Variants in RBFOX3 observed in about 807,000 individuals in gnomAD.
RBFOX3 encodes RNA binding protein fox-1 homolog 3.
Under a neutral mutation model 48.7 loss-of-function variants are expected in RBFOX3, and 17 were observed. The observed-to-expected ratio is 0.35, with a 90% confidence interval of 0.24 to 0.52. RBFOX3 has a LOEUF of 0.52. Ranked by LOEUF, RBFOX3 falls within the 20% of genes least tolerant of loss-of-function variation. RBFOX3 has a pLI of 0.94. For synonymous variants in RBFOX3, 212 were observed against 209.5 expected (o/e 1.01, Z -0.10); for missense variants, 382 against 497.5 (o/e 0.77, Z 2.21).
intron 1 of RBFOX3, among the ~76,000 whole-genome samples, chr17:79,497,376 A>C (rs1028902221): frequency 6.6e-6 from 1 of 152,214 alleles, no homozygotes; most frequent in Non-Finnish European, 1.5e-5. Flanking sequence ...TCAGACCCCT[A>C]AGGCTTCCAA....
rs534424432 is a variant in RBFOX3 at position 79,391,250 on chromosome 17, T to C, written c.-174-83426A>G. 3.5e-4 allele frequency among the ~76,000 whole-genome samples: 54 copies of C among 152,126 alleles called. No homozygotes were observed. The highest frequency in any genetic ancestry group is 1.2e-3 in the African/African-American group (51 of 41,498). On this transcript the variant is annotated intron_variant, in intron 2 of 14. Coordinates refer to ENST00000693108, the MANE Select transcript of RBFOX3 (RefSeq NM_001350451.2). The surrounding 1 kb of genome is among the most constrained non-coding windows in gnomAD (Gnocchi z 5.0). ...CTTGCAGGATGAAATCCAAATTCCT[T>C]AGCGCAACCCCCAAGCTGGGGTCTC... is the stretch of plus-strand genomic sequence containing the variant.
At chr17:79,307,249 C>G (rs553958623) in intron 3 of RBFOX3, among the ~76,000 whole-genome samples, 2 of 152,240 alleles carry the variant, frequency 1.3e-5, no homozygotes, top group East Asian at 1.9e-4. Context: ...GTGCCCGGGA[C>G]GAGCTCCACC....
intron 4 of RBFOX3, among the ~76,000 whole-genome samples, chr17:79,172,260 G>T (rs571188730): frequency 6.6e-6 from 1 of 151,304 alleles, no homozygotes; most frequent in East Asian, 1.9e-4. Context: ...ATGAACAGCA[G>T]ATATCACTAT....
In RBFOX3 at chr17:79,364,903, G is replaced by A. The variant is rs2057502409; in HGVS notation, c.-174-57079C>T. Among the ~76,000 whole-genome samples, 1 of 152,148 alleles carries A rather than the reference G, an allele frequency of 6.6e-6. No homozygotes were observed. The highest frequency in any genetic ancestry group is 2.4e-5 in the African/African-American group (1 of 41,418). On this transcript the variant is annotated intron_variant, in intron 2 of 14. Coordinates refer to ENST00000693108, the MANE Select transcript of RBFOX3 (RefSeq NM_001350451.2). The surrounding 1 kb of genome is among the most constrained non-coding windows in gnomAD (Gnocchi z 5.1). ...CTCAGTCAATGTGAGGCTGACTCCT[G>A]GTGCCCAGGGAGTGGCTGGGCAGGA...
intron 3 of RBFOX3, 25 bp downstream of exon 3, chr17:79,307,699 A>C (rs1022650462): frequency 6.5e-6 from 1 of 153,688 alleles, no homozygotes; most frequent in Non-Finnish European, 1.5e-5. Flanking sequence ...AGCAGAAAGC[A>C]TTGCGTAGAG....
At chr17:79,384,325 G>A (rs934970038) in intron 2 of RBFOX3, among the ~76,000 whole-genome samples, 1 of 152,172 alleles carries the variant, frequency 6.6e-6, no homozygotes, top group Non-Finnish European at 1.5e-5. Flanking sequence ...GAGGCTGTGG[G>A]GGAGAAGTCC....
At chr17:79,427,566 C>T (rs1555726243) in intron 2 of RBFOX3, among the ~76,000 whole-genome samples, 1 of 152,234 alleles carries the variant, frequency 6.6e-6, no homozygotes, top group Admixed American at 6.5e-5. Flanking sequence ...TTGAAGGCAC[C>T]AAGAAAGTAT....
chr17:79,604,966 G>A (rs1232264241), intron 1 of RBFOX3, among the ~76,000 whole-genome samples: 5 of 152,208 alleles, frequency 3.3e-5, no homozygotes, highest in African/African-American at 9.6e-5. Context: ...GGCAGGAGAA[G>A]CACCTGGACT....
chr17:79,376,231 C>T (rs2059206346), intron 2 of RBFOX3, among the ~76,000 whole-genome samples: 3 of 152,166 alleles, frequency 2.0e-5, no homozygotes, highest in African/African-American at 7.2e-5. Flanking sequence ...CCCAGGGACT[C>T]CCAGCCTGGA....
At chr17:79,219,070 T>C (rs772452997) in intron 4 of RBFOX3, among the ~76,000 whole-genome samples, 10 of 152,244 alleles carry the variant, frequency 6.6e-5, no homozygotes, top group Non-Finnish European at 1.3e-4. Flanking sequence ...CACAGGCACC[T>C]GTGCGGGGTC....
intron 2 of RBFOX3, among the ~76,000 whole-genome samples, chr17:79,444,889 C>T (rs1457180615): frequency 8.6e-5 from 13 of 152,022 alleles, no homozygotes; most frequent in African/African-American, 1.9e-4. Context: ...AATTCTAGAA[C>T]GTTTTCATTG....
chr17:79,175,178 T>C (rs2050267255), intron 4 of RBFOX3, among the ~76,000 whole-genome samples: 1 of 152,254 alleles, frequency 6.6e-6, no homozygotes, highest in Admixed American at 6.5e-5. Flanking sequence ...TGGGAGTACC[T>C]GGCGATGGCC....
intron 4 of RBFOX3, among the ~76,000 whole-genome samples, chr17:79,219,653 G>A (rs1404518889): frequency 2.0e-5 from 3 of 152,056 alleles, no homozygotes; most frequent in Non-Finnish European, 2.9e-5. Context: ...GAGTGGGGGC[G>A]CCTACTCTCC....
At chr17:79,587,987 C>A (rs2093306621) in intron 1 of RBFOX3, among the ~76,000 whole-genome samples, 1 of 152,176 alleles carries the variant, frequency 6.6e-6, no homozygotes, top group African/African-American at 2.4e-5. Context: ...AGAGGCATGC[C>A]ACCATGCCTG....
At chr17:79,287,245 C>T (rs1338718142) in intron 3 of RBFOX3, among the ~76,000 whole-genome samples, 1 of 152,224 alleles carries the variant, frequency 6.6e-6, no homozygotes, top group East Asian at 1.9e-4. Flanking sequence ...TTACTGCTCC[C>T]AGGTGCGAGA....
At chr17:79,545,911 A>C (rs960794748) in intron 1 of RBFOX3, among the ~76,000 whole-genome samples, 3 of 152,200 alleles carry the variant, frequency 2.0e-5, no homozygotes, top group African/African-American at 7.2e-5. Context: ...TCCTTTGATC[A>C]TTCCTATATA....
At chr17:79,228,601 G>C (rs573335912) in intron 4 of RBFOX3, among the ~76,000 whole-genome samples, 2 of 152,164 alleles carry the variant, frequency 1.3e-5, no homozygotes, top group African/African-American at 4.8e-5. Context: ...ACCCTCTTCA[G>C]GTTCCGTGAT....
chr17:79,397,955 G>A (rs8070274), intron 2 of RBFOX3, among the ~76,000 whole-genome samples: 135,697 of 152,058 alleles, frequency 0.89, 60,676 homozygotes, highest in Middle Eastern at 0.95. Context: ...GTCCGGCGGC[G>A]GATTTTCAGA....
chr17:79,369,350 C>A (rs1197622615), intron 2 of RBFOX3, among the ~76,000 whole-genome samples: 1 of 150,942 alleles, frequency 6.6e-6, no homozygotes, highest in African/African-American at 2.4e-5. Context: ...CTGATGGGGG[C>A]TCACCAGAGG....
Sources: allele counts gnomAD v4.1 joint callset (sites outside exome capture counted in the v4.1 genomes callset), GRCh38; gene constraint gnomAD v4.1.1; non-coding constraint Gnocchi (gnomAD v3.1); transcripts MANE v1.5; gene names NCBI Gene and HGNC (gene_info 2026-07-23, HGNC 2026-07-21).